The following ZFPM2 variants were observed in gnomAD, a reference collection of about 807,000 sequenced individuals.
The protein encoded by ZFPM2 is zinc finger protein, FOG family member 2.
In ZFPM2, 20 loss-of-function variants were observed where a neutral mutation model predicts 98.6. The observed-to-expected ratio is 0.20, with a 90% CI of 0.14 to 0.29. The LOEUF (loss-of-function observed/expected upper bound fraction) is 0.29, where lower values mean the gene tolerates loss of function less well. Among genes scored for constraint, ZFPM2 ranks in the 10% least tolerant of loss-of-function variants. ZFPM2 has a pLI of 1.00. For missense variants in ZFPM2, 1,310 were observed against 1,388.6 expected (o/e 0.94, Z 0.90); for synonymous variants, 518 against 502.7 (o/e 1.03, Z -0.41).
At chr8:105,397,987 T>TATCTG (rs1811257272) in intron 1 of ZFPM2, among the ~76,000 whole-genome samples, 1 of 152,156 alleles carries the variant, frequency 6.6e-6, no homozygotes, top group African/African-American at 2.4e-5. Context: ...ATATTATTTG[T>TATCTG]TAACATGTAA....
intron 2 of ZFPM2, among the ~76,000 whole-genome samples, chr8:105,430,693 G>A (rs1812002308): frequency 6.6e-6 from 1 of 152,154 alleles, no homozygotes; most frequent in Admixed American, 6.5e-5. Context: ...AGTAAAAATA[G>A]TCTGAATGCG....
chr8:105,500,784 G>A (rs1813575936), intron 3 of ZFPM2, among the ~76,000 whole-genome samples: 1 of 152,184 alleles, frequency 6.6e-6, no homozygotes, highest in South Asian at 2.1e-4. Context: ...GATATTTTAT[G>A]TGTGTACTTT....
chr8:105,411,390 G>T (rs1463218117), intron 1 of ZFPM2, among the ~76,000 whole-genome samples: 1 of 151,680 alleles, frequency 6.6e-6, no homozygotes, highest in Admixed American at 6.6e-5. Flanking sequence ...CTCACTTTGG[G>T]CTGGGGCCAT....
chr8:105,647,837 T>C (rs1037321563), intron 5 of ZFPM2, among the ~76,000 whole-genome samples: 1 of 152,140 alleles, frequency 6.6e-6, no homozygotes, highest in Non-Finnish European at 1.5e-5. Context: ...ACAATAAATA[T>C]ACGTGTGCAT....
intron 5 of ZFPM2, among the ~76,000 whole-genome samples, chr8:105,738,788 TC>T (rs1315792359): frequency 6.6e-6 from 1 of 152,030 alleles, no homozygotes; most frequent in Middle Eastern, 3.2e-3. Flanking sequence ...GCTTTTTTTT[TC>T]ATATGAAAAA....
intron 1 of ZFPM2, among the ~76,000 whole-genome samples, chr8:105,404,160 A>G (rs1471199679): frequency 3.3e-5 from 5 of 152,134 alleles, no homozygotes; most frequent in African/African-American, 1.2e-4. Context: ...GCTTCTTTCC[A>G]GAGCTGAGAA....
At chr8:105,544,181 A>G (rs2130635045) in intron 3 of ZFPM2, among the ~76,000 whole-genome samples, 1 of 152,318 alleles carries the variant, frequency 6.6e-6, no homozygotes, top group African/African-American at 2.4e-5. Flanking sequence ...TAGGATCACA[A>G]AAGCCTTAGT....
chr8:105,480,820 G>A (rs1442469769), intron 3 of ZFPM2, among the ~76,000 whole-genome samples: 3 of 149,996 alleles, frequency 2.0e-5, no homozygotes, highest in South Asian at 2.1e-4. Context: ...GCAGGATCTC[G>A]GCTCACTGCA....
chr8:105,522,498 G>A (rs1414978014), intron 3 of ZFPM2, among the ~76,000 whole-genome samples: 3 of 152,058 alleles, frequency 2.0e-5, no homozygotes, highest in East Asian at 3.9e-4. Context: ...ATGGCTGGGC[G>A]CGGTGGCTCA....
At chr8:105,765,048 A>G (rs1230791742) in intron 5 of ZFPM2, among the ~76,000 whole-genome samples, 2 of 151,842 alleles carry the variant, frequency 1.3e-5, no homozygotes, top group Admixed American at 6.6e-5. Context: ...CCACGTGGTC[A>G]GTGTACAATA....
intron 3 of ZFPM2, among the ~76,000 whole-genome samples, chr8:105,506,666 A>G (rs1019454962): frequency 1.3e-5 from 2 of 152,164 alleles, no homozygotes; most frequent in African/African-American, 4.8e-5. Flanking sequence ...ATTTTTCAGT[A>G]AGTATCGTAT....
chr8:105,494,993 ATCT>A (rs973338168), intron 3 of ZFPM2, among the ~76,000 whole-genome samples: 16 of 152,336 alleles, frequency 1.1e-4, no homozygotes, highest in African/African-American at 3.8e-4. Flanking sequence ...TGAAATATTA[ATCT>A]TCTACTGTTT....
chr8:105,792,996 G>T (rs1055058689), intron 6 of ZFPM2, among the ~76,000 whole-genome samples: 1 of 152,150 alleles, frequency 6.6e-6, no homozygotes, highest in African/African-American at 2.4e-5. Context: ...TGTGAGATGG[G>T]TTTCCTGAAT....
intron 5 of ZFPM2, among the ~76,000 whole-genome samples, chr8:105,665,526 C>T (rs536559439): frequency 6.6e-6 from 1 of 152,222 alleles, no homozygotes; most frequent in African/African-American, 2.4e-5. Flanking sequence ...GAAATGATTG[C>T]ATTCTCTGTT....
chr8:105,691,801 CAT>C (rs1296327148), intron 5 of ZFPM2, among the ~76,000 whole-genome samples: 2 of 152,310 alleles, frequency 1.3e-5, no homozygotes, highest in African/African-American at 4.8e-5. Flanking sequence ...GTTCCTGACA[CAT>C]GATAGGTCTA....
chr8:105,387,818 G>C (rs1811032082), intron 1 of ZFPM2: 1 of 152,676 alleles, frequency 6.5e-6, no homozygotes, highest in African/African-American at 2.4e-5. Context: ...GAACGAGCAA[G>C]GGCTGCGAGC....
intron 3 of ZFPM2, among the ~76,000 whole-genome samples, chr8:105,494,382 A>T (rs1275543569): frequency 2.0e-5 from 3 of 150,782 alleles, no homozygotes; most frequent in Admixed American, 6.6e-5. Flanking sequence ...GGTACCTCCC[A>T]CACCTAATTC....
At chr8:105,407,431 A>G (rs1327101205) in intron 1 of ZFPM2, among the ~76,000 whole-genome samples, 3 of 152,094 alleles carry the variant, frequency 2.0e-5, no homozygotes, top group East Asian at 1.9e-4. Context: ...TGAGGCAACT[A>G]TTTGAAAATA....
At chr8:105,554,178 C>T (rs1279501548) in intron 3 of ZFPM2, among the ~76,000 whole-genome samples, 5 of 152,132 alleles carry the variant, frequency 3.3e-5, no homozygotes, top group African/African-American at 4.8e-5. Flanking sequence ...CTGAGCCAAA[C>T]CATGCTTAGA....
Sources: gnomAD v4.1 joint callset for allele counts (sites outside exome capture counted in the v4.1 genomes callset) on GRCh38, gnomAD v4.1.1 for gene constraint, MANE v1.5 for transcripts, NCBI Gene and HGNC (gene_info 2026-07-23, HGNC 2026-07-21) for gene names.